NEK11: variants seen among roughly 807,000 people sequenced by gnomAD.
NEK11 encodes the protein NIMA related kinase 11.
In NEK11, 72 loss-of-function variants were observed where a neutral mutation model predicts 80.7. That is an observed-to-expected ratio of 0.89 (90% CI 0.74 to 1.08). NEK11 has a LOEUF of 1.08. Ranked by LOEUF, NEK11 falls within the 50% of genes least tolerant of loss-of-function variation. The pLI is 0.00. For synonymous variants in NEK11, 251 were observed against 260.7 expected, an observed-to-expected ratio of 0.96 and a Z score of 0.36; for missense variants, 764 against 763.6, an observed-to-expected ratio of 1.00 and a Z score of -0.01.
At position 131,228,561 on chromosome 3, in the gene NEK11, A is replaced by G. The variant is rs760893812; in HGVS notation, c.1433A>G (p.Tyr478Cys). ...GAAGACCCACTTGTGGCTGAAGAGT[A>G]CTACGCTGATGCATTTGATTCCTAT... ...IPEDPLVAEE[Y>C]YADAFDSYCE... Residue 478 changes from tyrosine (Y) to cysteine (C), a missense_variant, in exon 15 of 18, where the codon TAC (tyrosine) becomes TGC (cysteine). Tyr to Cys is a radical substitution (Grantham distance 194). Transcript: ENST00000383366. 1 of 1,613,090 alleles carries G rather than the reference A, an allele frequency of 6.2e-7. No homozygotes were observed. Among genetic ancestry groups the G allele is most frequent in the Non-Finnish European group, 8.5e-7 (1 of 1,179,328 alleles).
intron 5 of NEK11, among the ~76,000 whole-genome samples, chr3:131,118,671 G>A (rs960731082): frequency 2.0e-5 from 3 of 152,050 alleles, no homozygotes; most frequent in Non-Finnish European, 4.4e-5. Context: ...GTCTATTCAG[G>A]GATTCAACTT....
chr3:131,318,551 T>G (rs1017300114), intron 17 of NEK11, among the ~76,000 whole-genome samples: 2 of 152,042 alleles, frequency 1.3e-5, no homozygotes, highest in African/African-American at 4.8e-5. Context: ...AAGAGTTGTT[T>G]TGGAAAGTCA....
At chr3:131,162,189 A>C (rs2091681011) in intron 10 of NEK11, among the ~76,000 whole-genome samples, 1 of 152,252 alleles carries the variant, frequency 6.6e-6, no homozygotes, top group Admixed American at 6.5e-5. Flanking sequence ...TTGGAAAGTA[A>C]ATAATTTCCT....
At chr3:131,316,307 TTTC>T (rs1414137839) in intron 17 of NEK11, among the ~76,000 whole-genome samples, 2 of 152,176 alleles carry the variant, frequency 1.3e-5, no homozygotes, top group African/African-American at 4.8e-5. Context: ...ATTAGAAACT[TTTC>T]TTGTGTGTCC....
chr3:131,102,669 A>T (rs1405026356), intron 4 of NEK11, among the ~76,000 whole-genome samples: 1 of 152,048 alleles, frequency 6.6e-6, no homozygotes. Flanking sequence ...GTTGACTTAT[A>T]TGGTGTCTAA....
intron 16 of NEK11, among the ~76,000 whole-genome samples, chr3:131,248,876 A>G (rs1232532309): frequency 6.6e-6 from 1 of 152,194 alleles, no homozygotes; most frequent in Middle Eastern, 3.2e-3. Flanking sequence ...AACCAAAATT[A>G]TCTTCACTCT....
At chr3:131,327,373 A>G (rs1355009691) in intron 17 of NEK11, 1 of 152,210 alleles carries the variant, frequency 6.6e-6, no homozygotes, top group African/African-American at 2.4e-5. Flanking sequence ...GTGTACAAGA[A>G]CTTCCTCTCA....
chr3:131,319,883 CAAGTA>C (rs1415587492), intron 17 of NEK11, among the ~76,000 whole-genome samples: 2 of 151,862 alleles, frequency 1.3e-5, no homozygotes, highest in Admixed American at 1.3e-4. Flanking sequence ...AACAAGTCTC[CAAGTA>C]AAATAAACAA....
At chr3:131,242,853 A>G (rs2095539662) in intron 15 of NEK11, among the ~76,000 whole-genome samples, 1 of 152,142 alleles carries the variant, frequency 6.6e-6, no homozygotes, top group South Asian at 2.1e-4. Flanking sequence ...TGAAGACAAT[A>G]TTTTTAATCA....
rs1015238114 is a variant in NEK11 at position 131,133,935 on chromosome 3, A to G, written c.626A>G (p.Tyr209Cys). 1.6e-5 allele frequency: 25 copies of G among 1,610,470 alleles called. No homozygotes were observed. The highest frequency in any genetic ancestry group is 1.9e-5 in the Non-Finnish European group (22 of 1,178,002). Residue 209 changes from tyrosine (Y) to cysteine (C), a missense_variant, in exon 7 of 18, where the codon TAT becomes TGT. By Grantham distance (194) the Tyr-to-Cys change is radical. Coordinates refer to ENST00000383366, the MANE Select transcript of NEK11 (RefSeq NM_024800.5). ...CCTGAGGCTCTGAAACACCAAGGCT[A>G]TGACACAAAGTCGGACATCTGGTGA... ...MSPEALKHQG[Y>C]DTKSDIWSLA...
chr3:131,043,934 G>A (rs2066927908), intron 3 of NEK11, among the ~76,000 whole-genome samples: 1 of 152,174 alleles, frequency 6.6e-6, no homozygotes, highest in Non-Finnish European at 1.5e-5. Flanking sequence ...AACCCTACAT[G>A]CCAGAAGAGA....
At chr3:131,092,971 A>G (rs759315903) in intron 4 of NEK11, 5 of 152,194 alleles carry the variant, frequency 3.3e-5, no homozygotes, top group African/African-American at 9.7e-5. Context: ...ATACAGAACA[A>G]TGTTCAGTTT....
chr3:131,200,357 C>G (rs2094180445), intron 14 of NEK11, among the ~76,000 whole-genome samples: 1 of 152,156 alleles, frequency 6.6e-6, no homozygotes, highest in Admixed American at 6.5e-5. Context: ...TGTGGAACTA[C>G]AAAGACAAAT....
At chr3:131,212,420 C>T (rs1189148781) in intron 14 of NEK11, among the ~76,000 whole-genome samples, 1 of 152,192 alleles carries the variant, frequency 6.6e-6, no homozygotes, top group Non-Finnish European at 1.5e-5. Flanking sequence ...GGATGTGTCT[C>T]CCAGTTAGGC....
chr3:131,203,767 GTATATATATATATATATATATATATA>G (rs150951735), intron 14 of NEK11, among the ~76,000 whole-genome samples: 656 of 54,178 alleles, frequency 0.012, 14 homozygotes, highest in Middle Eastern at 0.019. Flanking sequence ...GTGTGTGTGT[GTATATATATATATATATATATATATA>G]TATATATATA....
intron 14 of NEK11, among the ~76,000 whole-genome samples, chr3:131,179,088 G>C (rs573210592): frequency 1.3e-5 from 2 of 152,172 alleles, no homozygotes; most frequent in South Asian, 4.1e-4. Flanking sequence ...TTATCAAAGG[G>C]CTTGATGGAG....
chr3:131,064,082 G>C (rs909718242), intron 3 of NEK11, among the ~76,000 whole-genome samples: 5 of 152,154 alleles, frequency 3.3e-5, no homozygotes, highest in African/African-American at 1.2e-4. Flanking sequence ...AGTCACAAAA[G>C]ACTACATATT....
intron 5 of NEK11, among the ~76,000 whole-genome samples, chr3:131,112,184 A>G (rs1206386716): frequency 1.3e-5 from 2 of 152,200 alleles, no homozygotes; most frequent in South Asian, 2.1e-4. Context: ...CTACAGTGGA[A>G]TGGTTAACCT....
chr3:131,334,863 A>T (rs1298744180), intron 17 of NEK11, among the ~76,000 whole-genome samples: 2 of 152,256 alleles, frequency 1.3e-5, no homozygotes, highest in African/African-American at 4.8e-5. Context: ...AAACTAGAAA[A>T]TCTAGAAGAA....
Sources: allele counts gnomAD v4.1 joint callset (sites outside exome capture counted in the v4.1 genomes callset), GRCh38; gene constraint gnomAD v4.1.1; transcripts MANE v1.5; gene names NCBI Gene and HGNC (gene_info 2026-07-23, HGNC 2026-07-21).